The following CDH23 variants were observed in gnomAD, a reference collection of about 807,000 sequenced individuals.
CDH23 encodes the protein cadherin-23.
Under a neutral mutation model 317.1 loss-of-function variants are expected in CDH23, and 189 were observed. The ratio of observed to expected loss-of-function variants is 0.60; its 90% CI spans 0.53 to 0.67. The LOEUF (loss-of-function observed/expected upper bound fraction) is 0.67, where lower values mean the gene tolerates loss of function less well. Among genes scored for constraint, CDH23 ranks in the 30% least tolerant of loss-of-function variants. The pLI, the probability that CDH23 is intolerant of heterozygous loss-of-function variation, is 0.00. For missense variants in CDH23, 4,401 were observed against 4,592.4 expected, an observed-to-expected ratio of 0.96 and a Z score of 1.20; for synonymous variants, 1,839 against 1,876.8, an observed-to-expected ratio of 0.98 and a Z score of 0.52.
intron 1 of CDH23, among the ~76,000 whole-genome samples, chr10:71,398,573 T>C (rs965141145): frequency 6.6e-6 from 1 of 151,460 alleles, no homozygotes; most frequent in African/African-American, 2.4e-5. Context: ...TGCATGGTGA[T>C]GATGAGTCAG....
chr10:71,706,202 G>A (rs1212540989), intron 25 of CDH23, among the ~76,000 whole-genome samples: 1 of 152,212 alleles, frequency 6.6e-6, no homozygotes, highest in African/African-American at 2.4e-5. Context: ...TATGAAGGTT[G>A]TCCAAGCCCC....
intron 3 of CDH23, among the ~76,000 whole-genome samples, chr10:71,503,877 C>T (rs553841086): frequency 6.8e-4 from 104 of 152,034 alleles, no homozygotes; most frequent in South Asian, 1.7e-3. Context: ...ACAATCAGGG[C>T]GAGGGTCCCG....
chr10:71,795,594 C>T lies in CDH23; in HGVS notation c.6713-1510C>T, dbSNP rs556825271. On this transcript the variant is annotated intron_variant, in intron 48 of 69. Transcript: ENST00000224721. The stretch of plus-strand genomic sequence containing the variant: ...TCCCTTGCCCACTTTGCTACCTTTT[C>T]TTCTTGCCAGAGCCTCAGCCCCTGA... 408 of 162,226 alleles carry T rather than the reference C, an allele frequency of 2.5e-3. 1 individual carries two copies. Among genetic ancestry groups the T allele is most frequent in the African/African-American group, 9.3e-3 (387 of 41,638 alleles). The allele number at this position is 162,226 out of a possible 1,614,324, so 10.0% of individuals were successfully genotyped here. A position where few individuals can be genotyped will look rare whatever the true frequency, so the allele number is the denominator to read the frequency against.
At chr10:71,447,958 A>C (rs1358626145) in intron 3 of CDH23, among the ~76,000 whole-genome samples, 2 of 152,192 alleles carry the variant, frequency 1.3e-5, no homozygotes, top group Admixed American at 1.3e-4. Context: ...AGCATTTATC[A>C]TTATTCATGT....
chr10:71,397,368 C>G lies in CDH23; in HGVS notation c.-6+50C>G, dbSNP rs1317132181. 1 of 152,582 alleles carries G rather than the reference C, an allele frequency of 6.6e-6. No homozygotes were observed. Among genetic ancestry groups the G allele is most frequent in the African/African-American group, 2.4e-5 (1 of 41,282 alleles). 9.5% of individuals were successfully genotyped at this position (152,582 alleles called of 1,614,324 possible). The stretch of plus-strand genomic sequence containing the variant: ...TTCCCTCCTCGCTTCCCTCTCCTTC[C>G]CCTCGCCGTTCGCCCGCCGCGCGGC... On this transcript the variant is annotated intron_variant, in intron 1 of 69. Coordinates refer to ENST00000224721, the MANE Select transcript of CDH23 (RefSeq NM_022124.6). The surrounding 1 kb of genome is among the most constrained non-coding windows in gnomAD (Gnocchi z 4.8).
Position 71,778,311 on chromosome 10 carries a change from G to A in CDH23, c.5187+3G>A, listed in dbSNP as rs911905648. 6.2e-6 allele frequency: 10 copies of A among 1,613,740 alleles called. No homozygotes were observed. The highest frequency in any genetic ancestry group is 8.5e-6 in the Non-Finnish European group (10 of 1,179,874). Reference sequence around the variant, plus strand: ...ACCGCCTCACCTCTACCACCACGGTGGGTGCATGGGACACAGCCCCAACTT... The same window carrying A: ...ACCGCCTCACCTCTACCACCACGGTAGGTGCATGGGACACAGCCCCAACTT... On this transcript the variant is annotated splice_donor_region_variant and intron_variant, in intron 40 of 69. Coordinates refer to ENST00000224721, the MANE Select transcript of CDH23 (RefSeq NM_022124.6).
intron 3 of CDH23, among the ~76,000 whole-genome samples, chr10:71,493,861 A>G (rs1852805441): frequency 6.6e-6 from 1 of 152,144 alleles, no homozygotes; most frequent in African/African-American, 2.4e-5. Flanking sequence ...TTTAATTATA[A>G]TAGCGTGCAT....
chr10:71,437,364 A>T (rs1044163511), intron 1 of CDH23, among the ~76,000 whole-genome samples: 9 of 152,254 alleles, frequency 5.9e-5, no homozygotes, highest in Non-Finnish European at 1.0e-4. Flanking sequence ...AGGAACCTGG[A>T]AACATCCAAA....
At chr10:71,684,433 AC>A (rs989886187) in intron 18 of CDH23, among the ~76,000 whole-genome samples, 3 of 151,228 alleles carry the variant, frequency 2.0e-5, no homozygotes, top group African/African-American at 4.9e-5. Flanking sequence ...AGCCTGCTCC[AC>A]CCCCCCTGGA....
chr10:71,520,009 C>T (rs1021094714), intron 6 of CDH23, among the ~76,000 whole-genome samples: 1 of 152,172 alleles, frequency 6.6e-6, no homozygotes. Context: ...GGTCTCACCA[C>T]GCTGCCCAGG....
intron 14 of CDH23, among the ~76,000 whole-genome samples, chr10:71,657,198 C>T (rs1049546474): frequency 3.3e-5 from 5 of 152,322 alleles, no homozygotes; most frequent in South Asian, 4.1e-4. Context: ...AGGCCCTAGG[C>T]GGGGTTGGGG....
intron 9 of CDH23, among the ~76,000 whole-genome samples, chr10:71,578,649 T>C (rs1344044865): frequency 6.6e-6 from 1 of 151,886 alleles, no homozygotes; most frequent in Non-Finnish European, 1.5e-5. Flanking sequence ...CAGGGCTGGG[T>C]GGTTTTAGAG....
At chr10:71,556,234 G>T (rs1273968688) in intron 6 of CDH23, among the ~76,000 whole-genome samples, 3 of 152,148 alleles carry the variant, frequency 2.0e-5, no homozygotes, top group Non-Finnish European at 4.4e-5. Context: ...ATGGTGATTT[G>T]GGGGGAAATG....
At chr10:71,413,315 C>T (rs1008414698) in intron 1 of CDH23, among the ~76,000 whole-genome samples, 2 of 152,116 alleles carry the variant, frequency 1.3e-5, no homozygotes, top group Non-Finnish European at 2.9e-5. Context: ...TCTAGGCTCT[C>T]GGTTCTGTTC....
chr10:71,681,542 A>G (rs1474101129), intron 17 of CDH23, among the ~76,000 whole-genome samples: 1 of 152,128 alleles, frequency 6.6e-6, no homozygotes, highest in Non-Finnish European at 1.5e-5. Flanking sequence ...GCAGCACCTA[A>G]CCCCGAGTAC....
At chr10:71,701,050 C>T (rs578195273) in intron 22 of CDH23, among the ~76,000 whole-genome samples, 11 of 152,230 alleles carry the variant, frequency 7.2e-5, no homozygotes, top group Non-Finnish European at 1.3e-4. Context: ...TCTCTCCCCC[C>T]ACCACCACTG....
At chr10:71,698,160 C>T (rs10999960) in intron 22 of CDH23, among the ~76,000 whole-genome samples, 90,165 of 151,944 alleles carry the variant, frequency 0.59, 27,195 homozygotes, top group Non-Finnish European at 0.67. Context: ...TTCCCAGTTA[C>T]GTATGATGAT....
At chr10:71,616,139 G>T (rs1171461105) in intron 10 of CDH23, among the ~76,000 whole-genome samples, 1 of 152,234 alleles carries the variant, frequency 6.6e-6, no homozygotes, top group African/African-American at 2.4e-5. Flanking sequence ...GCCACTCACG[G>T]TCGGTTTCAA....
chr10:71,489,430 A>T (rs11592594), intron 3 of CDH23, among the ~76,000 whole-genome samples: 2,387 of 152,094 alleles, frequency 0.016, 28 homozygotes, highest in Middle Eastern at 0.044. Flanking sequence ...CCCTTTAAAA[A>T]TTTTCCTTGG....
Sources: gnomAD v4.1 joint callset for allele counts (sites outside exome capture counted in the v4.1 genomes callset) on GRCh38, gnomAD v4.1.1 for gene constraint, Gnocchi (gnomAD v3.1) non-coding constraint, MANE v1.5 for transcripts, NCBI Gene and HGNC (gene_info 2026-07-23, HGNC 2026-07-21) for gene names.